The following DPP4 variants were observed in gnomAD, a reference collection of about 807,000 sequenced individuals.
DPP4 encodes dipeptidyl peptidase 4.
A neutral mutation model predicts 122.4 loss-of-function variants in DPP4; 93 were observed. The ratio of observed to expected loss-of-function variants is 0.76; its 90% CI spans 0.64 to 0.90. The LOEUF is 0.90. Among genes scored for constraint, DPP4 ranks in the 40% least tolerant of loss-of-function variants. The pLI, the probability that DPP4 is intolerant of heterozygous loss-of-function variation, is 0.00. For missense variants in DPP4, 914 were observed against 907.3 expected, an observed-to-expected ratio of 1.01 and a Z score of -0.09; for synonymous variants, 321 against 302.9, an observed-to-expected ratio of 1.06 and a Z score of -0.62.
chr2:162,002,280 G>A (rs1244285147), intron 23 of DPP4, among the ~76,000 whole-genome samples: 1 of 152,172 alleles, frequency 6.6e-6, no homozygotes, highest in Non-Finnish European at 1.5e-5. Flanking sequence ...TTGATTTAAC[G>A]ACATGTGCTT....
In DPP4 at chr2:162,017,113, T is replaced by G. The variant is rs770446040; in HGVS notation, c.1463A>C (p.Asp488Ala). 2 of 1,612,012 alleles carry G rather than the reference T, an allele frequency of 1.2e-6. No individual in the cohort carries two copies. Among genetic ancestry groups the G allele is most frequent in the African/African-American group, 1.3e-5 (1 of 74,996 alleles). The change falls in exon 17 of 26, where the codon GAT becomes GCT. Residue 488 changes from aspartate to alanine, a missense_variant. By Grantham distance (126) the Asp-to-Ala change is moderately radical. Transcript: ENST00000360534. ...AGTAAAATATGAGAAAATACCTTTA[T>G]CATTCACGCTGCTGTGTAGAGTATA... ...PLYTLHSSVN[D>A]KGLRVLEDNS...
chr2:162,014,507 A>G, intron 18 of DPP4, 42 bp from the exon 19 acceptor site: 1 of 1,459,996 alleles, frequency 6.8e-7, no homozygotes, highest in South Asian at 1.2e-5. Context: ...AAGAAAAATT[A>G]TTAGCACAAG....
chr2:161,998,810 G>A (rs1701069839), intron 23 of DPP4, among the ~76,000 whole-genome samples: 1 of 152,016 alleles, frequency 6.6e-6, no homozygotes, highest in Non-Finnish European at 1.5e-5. Context: ...AACTAGACAT[G>A]GTGAGAAATG....
At chr2:162,001,375 C>T (rs1403486159) in intron 23 of DPP4, among the ~76,000 whole-genome samples, 1 of 152,186 alleles carries the variant, frequency 6.6e-6, no homozygotes. Context: ...CACTCCCCTT[C>T]CCCTCCCTAC....
intron 2 of DPP4, among the ~76,000 whole-genome samples, chr2:162,071,482 A>AACCCCATCT (rs1031403925): frequency 2.0e-5 from 3 of 152,084 alleles, no homozygotes; most frequent in African/African-American, 7.2e-5. Flanking sequence ...TCTATACTAA[A>AACCCCATCT]ATACAAAAAA....
At chr2:162,067,307 C>T (rs933192353) in intron 2 of DPP4, among the ~76,000 whole-genome samples, 1 of 152,210 alleles carries the variant, frequency 6.6e-6, no homozygotes, top group African/African-American at 2.4e-5. Flanking sequence ...GCCACAGAGG[C>T]CACTAAGCTC....
At chr2:162,007,523 C>T (rs180765892) in intron 22 of DPP4, among the ~76,000 whole-genome samples, 366 of 152,114 alleles carry the variant, frequency 2.4e-3, no homozygotes, top group African/African-American at 7.7e-3. Context: ...TAAATTTACA[C>T]GTATATAAGA....
intron 5 of DPP4, among the ~76,000 whole-genome samples, chr2:162,043,223 G>A (rs533199038): frequency 7.9e-5 from 12 of 152,136 alleles, no homozygotes; most frequent in Non-Finnish European, 1.5e-4. Context: ...GATGAGACGA[G>A]AAGCTCTGGC....
At chr2:162,002,908 T>G (rs1382343559) in intron 23 of DPP4, among the ~76,000 whole-genome samples, 1 of 152,194 alleles carries the variant, frequency 6.6e-6, no homozygotes, top group Admixed American at 6.5e-5. Flanking sequence ...CCACATAGAT[T>G]CAGTTCTCCA....
In DPP4 at chr2:162,018,792, T is replaced by C; in HGVS notation, c.1357A>G (p.Arg453Gly). The change falls in exon 16 of 26, where the codon AGG becomes GGG. Residue 453 changes from arginine (R) to glycine (G), a missense_variant. Physicochemically the swap from Arg to Gly is moderately radical, Grantham distance 125. Coordinates refer to ENST00000360534, the MANE Select transcript of DPP4 (RefSeq NM_001935.4). ...AATGACACAGAATAGTACTGACACCTTTCCGGATTCAGCTCACAACTGAGG... is the reference window on the plus strand; with the variant it reads ...AATGACACAGAATAGTACTGACACCCTTCCGGATTCAGCTCACAACTGAGG... Reference protein sequence around the residue: ...TCLSCELNPERCQYYSVSFSK... With the variant: ...TCLSCELNPEGCQYYSVSFSK... The C allele has an allele frequency of 6.2e-7, 1 of 1,614,198 alleles. No individual in the cohort carries two copies. Among genetic ancestry groups the C allele is most frequent in the Non-Finnish European group, 8.5e-7 (1 of 1,180,026 alleles).
intron 2 of DPP4, among the ~76,000 whole-genome samples, chr2:162,054,136 T>C (rs1684482238): frequency 6.6e-6 from 1 of 152,208 alleles, no homozygotes; most frequent in Non-Finnish European, 1.5e-5. Context: ...CAAGATGTAA[T>C]GTTGTTTACC....
At position 162,035,284 on chromosome 2, in the gene DPP4, T is replaced by A; in HGVS notation, c.654A>T (p.Pro218=). 9 of 1,614,070 alleles carry A rather than the reference T, an allele frequency of 5.6e-6. No homozygotes were observed. The highest frequency in any genetic ancestry group is 7.6e-6 in the Non-Finnish European group (9 of 1,179,954). Residue 218 remains proline, a synonymous_variant, in exon 9 of 26, where the codon CCA becomes CCT. Coordinates refer to ENST00000360534, the MANE Select transcript of DPP4 (RefSeq NM_001935.4). ...FSAYSALWWS[P]NGTFLAYAQF... is the part of the protein sequence containing the mutation. ...GGGCATATGCTAAAAAAGTGCCGTT[T>A]GGAGACCACCACAGAGCAGAGTAGG...
At chr2:161,997,195 T>G (rs1701028320) in intron 23 of DPP4, among the ~76,000 whole-genome samples, 1 of 152,170 alleles carries the variant, frequency 6.6e-6, no homozygotes, top group South Asian at 2.1e-4. Context: ...TCACCCAAAT[T>G]GAAAATTTTA....
chr2:162,004,507 T>G (rs2106079999), intron 23 of DPP4, among the ~76,000 whole-genome samples: 1 of 152,160 alleles, frequency 6.6e-6, no homozygotes, highest in African/African-American at 2.4e-5. Flanking sequence ...GATTGTTACT[T>G]TTCTATCTTG....
At chr2:162,022,927 C>G in intron 11 of DPP4, 128 bp from the exon 12 acceptor site, 1 of 936,910 alleles carries the variant, frequency 1.1e-6, no homozygotes, top group Non-Finnish European at 1.7e-6. Context: ...TCATATATTT[C>G]TATTTATGTT....
At chr2:162,038,644 G>T (rs1683873264) in intron 7 of DPP4, among the ~76,000 whole-genome samples, 1 of 152,054 alleles carries the variant, frequency 6.6e-6, no homozygotes, top group African/African-American at 2.4e-5. Flanking sequence ...TGTTAAAAAT[G>T]AGAAGTACAT....
chr2:162,022,768 C>A lies in DPP4; in HGVS notation c.1055G>T (p.Gly352Val). 1 of 1,614,010 alleles carries A rather than the reference C, an allele frequency of 6.2e-7. No homozygotes were observed. The highest frequency in any genetic ancestry group is 8.5e-7 in the Non-Finnish European group (1 of 1,179,990). Residue 352 changes from glycine (G) to valine (V), a missense_variant, in exon 12 of 26, where the codon GGC becomes GTC. By Grantham distance (109) the Gly-to-Val change is moderately radical. Coordinates refer to ENST00000360534, the MANE Select transcript of DPP4 (RefSeq NM_001935.4). ...TATAACACTTACTCTTCCAACCCAGCCAGTAGTACTCATTTCAATGTGTTG... is the reference window on the plus strand; with the variant it reads ...TATAACACTTACTCTTCCAACCCAGACAGTAGTACTCATTTCAATGTGTTG... The part of the protein sequence containing the change: ...ARQHIEMSTT[G>V]WVGRFRPSEP...
intron 2 of DPP4, among the ~76,000 whole-genome samples, chr2:162,059,497 C>T (rs1684690432): frequency 6.6e-6 from 1 of 152,214 alleles, no homozygotes; most frequent in Non-Finnish European, 1.5e-5. Context: ...GCTAGTTTCT[C>T]TTCACATATA....
chr2:162,060,084 G>C (rs988592361), intron 2 of DPP4, among the ~76,000 whole-genome samples: 1 of 152,182 alleles, frequency 6.6e-6, no homozygotes, highest in African/African-American at 2.4e-5. Flanking sequence ...GCAATATGGC[G>C]CCAAAGCCTG....
Sources: allele counts gnomAD v4.1 joint callset (sites outside exome capture counted in the v4.1 genomes callset), GRCh38; gene constraint gnomAD v4.1.1; transcripts MANE v1.5; gene names NCBI Gene and HGNC (gene_info 2026-07-23, HGNC 2026-07-21).